HEMK2: variants seen among roughly 807,000 people sequenced by gnomAD.
HEMK2 encodes the protein methyltransferase HEMK2.
chr21:28,848,262 G>A, the HEMK2 span, among the ~76,000 whole-genome samples: 6 of 152,038 alleles, frequency 3.9e-5, no homozygotes, highest in South Asian at 1.2e-3. Context: ...AGCATGGAAT[G>A]TTTTTTCATT....
At chr21:28,791,477 G>A in the HEMK2 span, among the ~76,000 whole-genome samples, 173 of 152,298 alleles carry the variant, frequency 1.1e-3, no homozygotes, top group South Asian at 2.3e-3. Flanking sequence ...TTCAAAAAAA[G>A]GGTGAGAGAG....
chr21:28,693,375 G>A, the HEMK2 span, among the ~76,000 whole-genome samples: 1 of 152,122 alleles, frequency 6.6e-6, no homozygotes, highest in Non-Finnish European at 1.5e-5. Flanking sequence ...TAAAGCTAAT[G>A]TCATCATAGT....
chr21:28,807,200 C>A, the HEMK2 span, among the ~76,000 whole-genome samples: 1 of 152,194 alleles, frequency 6.6e-6, no homozygotes, highest in Non-Finnish European at 1.5e-5. Context: ...AAAATTAGCA[C>A]AACCAAAGCA....
chr21:28,757,971 T>C, the HEMK2 span, among the ~76,000 whole-genome samples: 1 of 152,206 alleles, frequency 6.6e-6, no homozygotes, highest in African/African-American at 2.4e-5. Flanking sequence ...TTGCTTTCAA[T>C]TGTTTATTAT....
the HEMK2 span, among the ~76,000 whole-genome samples, chr21:28,607,833 G>A: frequency 6.6e-6 from 1 of 152,162 alleles, no homozygotes; most frequent in East Asian, 1.9e-4. Context: ...GAAAAGAGAG[G>A]AAGAAATATT....
the HEMK2 span, among the ~76,000 whole-genome samples, chr21:28,697,939 A>AGGGCAGAT: frequency 6.6e-6 from 1 of 152,294 alleles, no homozygotes; most frequent in South Asian, 2.1e-4. Context: ...GTCCAAGATC[A>AGGGCAGAT]GGGCAGATTC....
chr21:28,839,000 T>TATATATATATAC, the HEMK2 span, among the ~76,000 whole-genome samples: 3 of 57,984 alleles, frequency 5.2e-5, no homozygotes, highest in Non-Finnish European at 9.7e-5. Flanking sequence ...TATATATATA[T>TATATATATATAC]ACATATATAT....
the HEMK2 span, among the ~76,000 whole-genome samples, chr21:28,815,102 C>T: frequency 6.6e-6 from 1 of 151,722 alleles, no homozygotes; most frequent in African/African-American, 2.4e-5. Flanking sequence ...AAGCTGGAAA[C>T]CATCATTCTC....
At chr21:28,594,610 C>T in the HEMK2 span, among the ~76,000 whole-genome samples, 1 of 152,096 alleles carries the variant, frequency 6.6e-6, no homozygotes. Context: ...ATCTACTTCC[C>T]CAACAGTAGG....
At chr21:28,676,909 C>A in the HEMK2 span, among the ~76,000 whole-genome samples, 4 of 152,130 alleles carry the variant, frequency 2.6e-5, no homozygotes, top group South Asian at 2.1e-4. Flanking sequence ...TTTTAAAATT[C>A]TTTAAGATGG....
chr21:28,847,192 T>C, the HEMK2 span, among the ~76,000 whole-genome samples: 1 of 152,234 alleles, frequency 6.6e-6, no homozygotes, highest in South Asian at 2.1e-4. Context: ...CTTTGAGAAA[T>C]CTTCAGACCG....
the HEMK2 span, among the ~76,000 whole-genome samples, chr21:28,774,131 A>G: frequency 1.3e-5 from 2 of 152,102 alleles, no homozygotes; most frequent in African/African-American, 4.8e-5. Flanking sequence ...TCTTATCTTC[A>G]AAATAAAAGA....
the HEMK2 span, among the ~76,000 whole-genome samples, chr21:28,722,883 TCAAA>T: frequency 2.7e-3 from 413 of 151,612 alleles, 2 homozygotes; most frequent in African/African-American, 7.7e-3. Context: ...AAACTCAGTC[TCAAA>T]CAAACAAACA....
chr21:28,759,529 T>C, the HEMK2 span, among the ~76,000 whole-genome samples: 2 of 152,158 alleles, frequency 1.3e-5, no homozygotes, highest in African/African-American at 4.8e-5. Context: ...AGTTAAGACT[T>C]GGTGGGACTG....
chr21:28,846,126 CTTA>C, the HEMK2 span, among the ~76,000 whole-genome samples: 2 of 152,238 alleles, frequency 1.3e-5, no homozygotes, highest in South Asian at 4.1e-4. Flanking sequence ...AGAACATAAT[CTTA>C]TTCTTTTTTA....
chr21:28,680,517 T>C, the HEMK2 span, among the ~76,000 whole-genome samples: 2 of 151,970 alleles, frequency 1.3e-5, no homozygotes, highest in Non-Finnish European at 2.9e-5. Flanking sequence ...TTCCAATAAA[T>C]AGAAAAAGAG....
the HEMK2 span, among the ~76,000 whole-genome samples, chr21:28,609,039 C>G: frequency 2.0e-5 from 3 of 152,200 alleles, no homozygotes; most frequent in Non-Finnish European, 2.9e-5. Context: ...ACCACCTGTT[C>G]CTTCCTCTAC....
At chr21:28,838,244 A>G in the HEMK2 span, among the ~76,000 whole-genome samples, 1 of 152,172 alleles carries the variant, frequency 6.6e-6, no homozygotes, top group Non-Finnish European at 1.5e-5. Flanking sequence ...ACCAAAAAAG[A>G]AAACTACAGG....
At chr21:28,727,957 C>T in the HEMK2 span, among the ~76,000 whole-genome samples, 1 of 152,200 alleles carries the variant, frequency 6.6e-6, no homozygotes, top group East Asian at 1.9e-4. Flanking sequence ...AAGCAGTCTG[C>T]TGCTATTTAA....
Sources: gnomAD v4.1 joint callset for allele counts (sites outside exome capture counted in the v4.1 genomes callset) on GRCh38, gnomAD v4.1.1 for gene constraint, MANE v1.5 for transcripts, NCBI Gene and HGNC (gene_info 2026-07-23, HGNC 2026-07-21) for gene names.